ZNF804B: variants seen among roughly 807,000 people sequenced by gnomAD.
The protein encoded by ZNF804B is zinc finger 804B.
ZNF804B carries 80 observed loss-of-function variants against 101.4 expected under a neutral mutation model. The ratio of observed to expected loss-of-function variants is 0.79; its 90% CI spans 0.66 to 0.95. The LOEUF (loss-of-function observed/expected upper bound fraction) is 0.95, where lower values mean the gene tolerates loss of function less well. ZNF804B is among the 40% of genes least tolerant of loss of function. The pLI is 0.00. For synonymous variants in ZNF804B, 622 were observed against 558.8 expected, an observed-to-expected ratio of 1.11 and a Z score of -1.59; for missense variants, 1,673 against 1,561.9, an observed-to-expected ratio of 1.07 and a Z score of -1.20.
intron 1 of ZNF804B, among the ~76,000 whole-genome samples, chr7:88,925,453 G>A (rs1562833633): frequency 6.6e-6 from 1 of 152,110 alleles, no homozygotes; most frequent in Non-Finnish European, 1.5e-5. Flanking sequence ...CCTGATTAGT[G>A]TACTTATAAA....
chr7:88,877,834 C>A (rs753375431), intron 1 of ZNF804B, among the ~76,000 whole-genome samples: 1 of 152,016 alleles, frequency 6.6e-6, no homozygotes, highest in Non-Finnish European at 1.5e-5. Flanking sequence ...TTTCTATAAA[C>A]TGTATTGTTT....
intron 1 of ZNF804B, among the ~76,000 whole-genome samples, chr7:88,985,546 C>T (rs1400828507): frequency 2.0e-5 from 3 of 152,020 alleles, no homozygotes; most frequent in African/African-American, 7.2e-5. Context: ...CTGTTCACTA[C>T]ACACAGCAGG....
At chr7:89,204,570 A>C (rs919337665) in intron 1 of ZNF804B, among the ~76,000 whole-genome samples, 3 of 152,180 alleles carry the variant, frequency 2.0e-5, no homozygotes, top group Non-Finnish European at 4.4e-5. Context: ...GGAGGGTTGC[A>C]AAGGGTTGGT....
chr7:89,107,215 T>C (rs1182857342), intron 1 of ZNF804B, among the ~76,000 whole-genome samples: 8 of 152,104 alleles, frequency 5.3e-5, no homozygotes, highest in Non-Finnish European at 1.2e-4. Flanking sequence ...TTTATTATTC[T>C]TTTGATATTT....
At chr7:89,204,447 C>A (rs1244511699) in intron 1 of ZNF804B, among the ~76,000 whole-genome samples, 1 of 152,064 alleles carries the variant, frequency 6.6e-6, no homozygotes, top group South Asian at 2.1e-4. Context: ...TTTCACACAC[C>A]CACACAGTAG....
At chr7:89,162,519 T>C (rs965262216) in intron 1 of ZNF804B, among the ~76,000 whole-genome samples, 7 of 152,018 alleles carry the variant, frequency 4.6e-5, no homozygotes, top group Non-Finnish European at 8.8e-5. Flanking sequence ...ATCCTAATAC[T>C]TCTCATTTAC....
At chr7:89,134,611 G>A (rs149495185) in intron 1 of ZNF804B, among the ~76,000 whole-genome samples, 11 of 152,088 alleles carry the variant, frequency 7.2e-5, no homozygotes, top group African/African-American at 2.4e-4. Context: ...TTCCCACAGC[G>A]TTCCTGCTTC....
intron 1 of ZNF804B, among the ~76,000 whole-genome samples, chr7:88,946,554 C>CTTTTTTTTTT (rs202172425): frequency 3.1e-5 from 4 of 128,118 alleles, no homozygotes; most frequent in African/African-American, 2.9e-5. Flanking sequence ...CTGAAATTTT[C>CTTTTTTTTTT]TTTTTTTTTT....
intron 1 of ZNF804B, among the ~76,000 whole-genome samples, chr7:88,987,410 GCTTTGTAAAGAATCATTAGTCTTT>G (rs1025245923): frequency 6.6e-6 from 1 of 152,044 alleles, no homozygotes. Context: ...TTGAAGTCTG[GCTTTGTAAAGAATCATTAGTCTTT>G]CTTTGTAAAG....
intron 1 of ZNF804B, among the ~76,000 whole-genome samples, chr7:89,039,982 G>A (rs2116246804): frequency 6.6e-6 from 1 of 151,852 alleles, no homozygotes; most frequent in Admixed American, 6.6e-5. Flanking sequence ...AATCTATTTT[G>A]GGTTTTTTGA....
intron 1 of ZNF804B, among the ~76,000 whole-genome samples, chr7:89,148,355 T>G (rs1205595134): frequency 6.6e-6 from 1 of 152,046 alleles, no homozygotes; most frequent in East Asian, 1.9e-4. Flanking sequence ...TTGCAGTGTG[T>G]ATGGTATAAC....
At chr7:88,817,484 G>A (rs902554737) in intron 1 of ZNF804B, among the ~76,000 whole-genome samples, 7 of 151,964 alleles carry the variant, frequency 4.6e-5, no homozygotes, top group African/African-American at 1.7e-4. Context: ...GTCCATGAAG[G>A]GAAAGGAAAG....
At chr7:88,892,617 T>C (rs1792229770) in intron 1 of ZNF804B, among the ~76,000 whole-genome samples, 1 of 152,156 alleles carries the variant, frequency 6.6e-6, no homozygotes, top group African/African-American at 2.4e-5. Flanking sequence ...TTGAGATTCC[T>C]AAAAAGGCAA....
intron 2 of ZNF804B, among the ~76,000 whole-genome samples, chr7:89,300,941 A>G (rs1449650616): frequency 1.3e-5 from 2 of 151,766 alleles, no homozygotes; most frequent in African/African-American, 4.8e-5. Context: ...GAAGAAAATA[A>G]TGATGGCTTG....
At chr7:89,186,741 A>C (rs1428291528) in intron 1 of ZNF804B, among the ~76,000 whole-genome samples, 8 of 152,160 alleles carry the variant, frequency 5.3e-5, no homozygotes, top group Non-Finnish European at 1.2e-4. Context: ...TCCTTCTGCA[A>C]TAGTAATCTG....
At chr7:89,136,775 G>T (rs1790643775) in intron 1 of ZNF804B, among the ~76,000 whole-genome samples, 1 of 151,704 alleles carries the variant, frequency 6.6e-6, no homozygotes, top group African/African-American at 2.4e-5. Flanking sequence ...GCGCGCACGT[G>T]TGTGATGATT....
In ZNF804B at chr7:89,007,514, A is replaced by AAT. The variant is rs1788385475; in HGVS notation, c.109-210641_109-210640insAT. On this transcript the variant is annotated intron_variant, in intron 1 of 3. Transcript: ENST00000333190. ...AACCTAATATAATACATATAATTAT[A>AAT]TATAATATAATATATCTATTATAAT... Among the ~76,000 whole-genome samples the AAT allele has an allele frequency of 3.9e-4, 3 of 7,784 alleles. No homozygotes were observed. The African/African-American group carries it at 4.4e-3, about 11-fold the overall frequency. 5.1% of individuals were successfully genotyped at this position (7,784 alleles called of 152,430 possible).
At chr7:88,980,335 A>G (rs1474352613) in intron 1 of ZNF804B, among the ~76,000 whole-genome samples, 1 of 151,888 alleles carries the variant, frequency 6.6e-6, no homozygotes, top group East Asian at 1.9e-4. Context: ...TTTTGAGTTC[A>G]TGTGTTCCTG....
chr7:89,013,806 T>C lies in ZNF804B; in HGVS notation c.109-204349T>C, dbSNP rs534012636. Among the ~76,000 whole-genome samples the C allele has an allele frequency of 7.9e-5, 12 of 152,350 alleles. No individual in the cohort carries two copies. In the South Asian group the frequency reaches 1.0e-3, roughly 13 times the overall value. Reference sequence around the variant, plus strand: ...CTTTCCAGCCTTTAGTAATCTCTGTTCTACTCTTTACTTCTATACAATCAA... The same window carrying C: ...CTTTCCAGCCTTTAGTAATCTCTGTCCTACTCTTTACTTCTATACAATCAA... On this transcript the variant is annotated intron_variant, in intron 1 of 3. Transcript: ENST00000333190.
Sources: allele counts gnomAD v4.1 joint callset (sites outside exome capture counted in the v4.1 genomes callset), GRCh38; gene constraint gnomAD v4.1.1; transcripts MANE v1.5; gene names NCBI Gene and HGNC (gene_info 2026-07-23, HGNC 2026-07-21).